The following ARHGEF37 variants were observed in gnomAD, a reference collection of about 807,000 sequenced individuals.
ARHGEF37 encodes Rho guanine nucleotide exchange factor 37, also known as Rho guanine nucleotide exchange factor (GEF) 37.
Under a neutral mutation model 71.1 loss-of-function variants are expected in ARHGEF37, and 55 were observed. The ratio of observed to expected loss-of-function variants is 0.77; its 90% confidence interval spans 0.62 to 0.97. The LOEUF is 0.97. Among genes scored for constraint, ARHGEF37 ranks in the 50% least tolerant of loss-of-function variants. The pLI is 0.00. For missense variants in ARHGEF37, 765 were observed against 836.8 expected, an observed-to-expected ratio of 0.91 and a Z score of 1.06; for synonymous variants, 327 against 350.6, an observed-to-expected ratio of 0.93 and a Z score of 0.75.
At chr5:149,610,875 A>G (rs2113345952) in intron 4 of ARHGEF37, among the ~76,000 whole-genome samples, 1 of 152,322 alleles carries the variant, frequency 6.6e-6, no homozygotes, top group East Asian at 1.9e-4. Flanking sequence ...TCACCCCCAA[A>G]ATGTAGTGGC....
rs114779826 is a variant in ARHGEF37 at position 149,602,634 on chromosome 5, T to C, written c.310+1403T>C. ...CCTGAGGAGGATAGTCTTCTTATTC[T>C]GAAATGGTTAGGATGAGCACAGCAG... On this transcript the variant is annotated intron_variant, in intron 3 of 12. Coordinates refer to ENST00000333677, the MANE Select transcript of ARHGEF37 (RefSeq NM_001001669.3). Among the ~76,000 whole-genome samples the C allele has an allele frequency of 3.8e-3, 576 of 151,996 alleles. 5 individuals are homozygous for C. The highest frequency in any genetic ancestry group is 0.013 in the African/African-American group (553 of 41,464).
chr5:149,576,726 C>A (rs1763032632), upstream of ARHGEF37, among the ~76,000 whole-genome samples: 1 of 152,104 alleles, frequency 6.6e-6, no homozygotes, highest in Admixed American at 6.6e-5. Context: ...GGAGGCAAGG[C>A]AGGTGGATCA....
At position 149,593,025 on chromosome 5, in the gene ARHGEF37, C is replaced by A. The variant is rs188239971; in HGVS notation, c.-11-4734C>A. 3.3e-5 allele frequency among the ~76,000 whole-genome samples: 5 copies of A among 152,310 alleles called. No homozygotes were observed. The East Asian group carries it at 5.8e-4, about 18-fold the overall frequency. ...CCACAGGTGATCCACCCACCTCAGCCTTCCAAAGTGCTGAGATTACAGGTG... is the reference window on the plus strand; with the variant it reads ...CCACAGGTGATCCACCCACCTCAGCATTCCAAAGTGCTGAGATTACAGGTG... On this transcript the variant is annotated intron_variant, in intron 1 of 12. Transcript: ENST00000333677.
intron 1 of ARHGEF37, among the ~76,000 whole-genome samples, chr5:149,590,004 A>G (rs1763356278): frequency 6.6e-6 from 1 of 152,136 alleles, no homozygotes; most frequent in East Asian, 1.9e-4. Flanking sequence ...CTCTGCTTTT[A>G]GTGGAGTGAA....
intron 3 of ARHGEF37, among the ~76,000 whole-genome samples, chr5:149,601,964 A>G (rs1213098431): frequency 6.6e-6 from 1 of 152,224 alleles, no homozygotes; most frequent in African/African-American, 2.4e-5. Context: ...AGGTCATGGC[A>G]AGGAGTTTGG....
intron 4 of ARHGEF37, among the ~76,000 whole-genome samples, chr5:149,613,976 C>G (rs944166500): frequency 6.6e-6 from 1 of 151,862 alleles, no homozygotes; most frequent in African/African-American, 2.4e-5. Flanking sequence ...GTTGCCCAGG[C>G]TGGTCTCCAA....
At chr5:149,610,489 TA>T (rs1764047026) in intron 4 of ARHGEF37, among the ~76,000 whole-genome samples, 1 of 152,132 alleles carries the variant, frequency 6.6e-6, no homozygotes, top group African/African-American at 2.4e-5. Context: ...ATTTTTACAG[TA>T]AAAAATATCT....
At chr5:149,568,474 G>T (rs1387025248) in intron 1 of ARHGEF37, among the ~76,000 whole-genome samples, 1 of 152,032 alleles carries the variant, frequency 6.6e-6, no homozygotes, top group African/African-American at 2.4e-5. Context: ...ACAATGTTAG[G>T]TGTGCAATTC....
At chr5:149,628,520 G>A (rs978659712) in intron 11 of ARHGEF37, among the ~76,000 whole-genome samples, 5 of 152,178 alleles carry the variant, frequency 3.3e-5, no homozygotes, top group African/African-American at 1.2e-4. Context: ...GGCTCCATCA[G>A]ATAAGCAGTT....
chr5:149,621,840 T>A lies in ARHGEF37; in HGVS notation c.1113T>A (p.Phe371Leu). The change falls in exon 9 of 13, where the codon TTT becomes TTA. Residue 371 changes from phenylalanine (F) to leucine (L), a missense_variant. By Grantham distance (22) the Phe-to-Leu change is conservative (BLOSUM62 0). Transcript: ENST00000333677. ...IKKRLDKLLD[F>L]ERVEEKLLEV... ...AGCGTCTGGACAAGCTACTGGACTT[T>A]GAGCGGGTGGAAGAGAAGCTGCTGG... 6.2e-7 allele frequency: 1 copy of A among 1,614,246 alleles called. No homozygotes were observed. The highest frequency in any genetic ancestry group is 8.5e-7 in the Non-Finnish European group (1 of 1,180,042).
intron 1 of ARHGEF37, among the ~76,000 whole-genome samples, chr5:149,552,594 T>G (rs1183387838): frequency 1.3e-5 from 2 of 152,128 alleles, no homozygotes; most frequent in Non-Finnish European, 2.9e-5. Flanking sequence ...TCCCAGCACT[T>G]CGGGAGGCCG....
At chr5:149,598,038 G>A (rs1442019372) in intron 2 of ARHGEF37, 83 bp downstream of exon 2, 2 of 1,459,344 alleles carry the variant, frequency 1.4e-6, no homozygotes, top group Non-Finnish European at 1.8e-6. Flanking sequence ...TCCATTCCTG[G>A]GGCAAGCTTG....
At chr5:149,605,199 C>A (rs2113330396) in intron 3 of ARHGEF37, among the ~76,000 whole-genome samples, 1 of 147,642 alleles carries the variant, frequency 6.8e-6, no homozygotes, top group South Asian at 2.2e-4. Flanking sequence ...TGCACTGCAG[C>A]CTGGGCAACA....
chr5:149,556,401 T>TTTAC (rs762386715), intron 1 of ARHGEF37, among the ~76,000 whole-genome samples: 2 of 151,486 alleles, frequency 1.3e-5, no homozygotes, highest in East Asian at 3.9e-4. Flanking sequence ...TATTTATTTA[T>TTTAC]TTTGAGATGG....
chr5:149,613,050 G>C (rs762672534), intron 4 of ARHGEF37, among the ~76,000 whole-genome samples: 16 of 152,216 alleles, frequency 1.1e-4, no homozygotes, highest in Non-Finnish European at 2.1e-4. Context: ...AGGCGGCCTT[G>C]CAGAGGTGGG....
chr5:149,555,878 C>CT (rs1335704328), intron 1 of ARHGEF37, among the ~76,000 whole-genome samples: 1 of 151,802 alleles, frequency 6.6e-6, no homozygotes, highest in Non-Finnish European at 1.5e-5. Flanking sequence ...AATCCCTGCA[C>CT]TTTGGGAGGC....
intron 10 of ARHGEF37, among the ~76,000 whole-genome samples, chr5:149,626,241 A>AAC (rs58263212): frequency 0.094 from 12,593 of 133,556 alleles, 619 homozygotes; most frequent in Middle Eastern, 0.16. Context: ...GAGCATGGTG[A>AAC]ACACACACAC....
chr5:149,604,313 G>A (rs1336318588), intron 3 of ARHGEF37, among the ~76,000 whole-genome samples: 3 of 152,120 alleles, frequency 2.0e-5, no homozygotes, highest in African/African-American at 7.2e-5. Flanking sequence ...GATAAACAAT[G>A]AATAATTTTT....
At chr5:149,572,953 T>G (rs970429836) in intron 1 of ARHGEF37, among the ~76,000 whole-genome samples, 1 of 152,164 alleles carries the variant, frequency 6.6e-6, no homozygotes, top group African/African-American at 2.4e-5. Flanking sequence ...TAGCTCACAA[T>G]TCTGCAGGCT....
Sources: allele counts gnomAD v4.1 joint callset (sites outside exome capture counted in the v4.1 genomes callset), GRCh38; gene constraint gnomAD v4.1.1; transcripts MANE v1.5; gene names NCBI Gene and HGNC (gene_info 2026-07-23, HGNC 2026-07-21).